Variants in TMPRSS13 observed in about 807,000 individuals in gnomAD.
TMPRSS13 encodes the protein transmembrane protease serine 13.
Under a neutral mutation model 68.4 loss-of-function variants are expected in TMPRSS13, and 50 were observed. That is an observed-to-expected ratio of 0.73 (90% CI 0.58 to 0.93). The LOEUF is 0.93. TMPRSS13 is among the 40% of genes least tolerant of loss of function. The pLI is 0.00. For missense variants in TMPRSS13, 615 were observed against 729.2 expected (o/e 0.84, Z 1.80); for synonymous variants, 267 against 285.8 (o/e 0.93, Z 0.66).
chr11:117,905,160 G>C (rs576870040), intron 10 of TMPRSS13, among the ~76,000 whole-genome samples: 1 of 151,838 alleles, frequency 6.6e-6, no homozygotes, highest in East Asian at 1.9e-4. Flanking sequence ...CTCCCAAAGT[G>C]CTGGGACTAC....
In TMPRSS13 at chr11:117,914,371, C is replaced by T. The variant is rs761571227; in HGVS notation, c.679+21G>A. ...CATGCACATGCACACGCACGCGCTCCCCCGCACCCAGCCTCCTTACCGCAG... is the reference window on the plus strand; with the variant it reads ...CATGCACATGCACACGCACGCGCTCTCCCGCACCCAGCCTCCTTACCGCAG... On this transcript the variant is annotated intron_variant, in intron 4 of 12. Transcript: ENST00000524993. The surrounding 1 kb of genome is among the most constrained non-coding windows in gnomAD (Gnocchi z 4.2). 1 of 1,612,634 alleles carries T rather than the reference C, an allele frequency of 6.2e-7. No homozygotes were observed. The highest frequency in any genetic ancestry group is 8.5e-7 in the Non-Finnish European group (1 of 1,179,866).
chr11:117,912,596 C>G (rs2057534994), intron 5 of TMPRSS13, among the ~76,000 whole-genome samples: 1 of 152,216 alleles, frequency 6.6e-6, no homozygotes, highest in Non-Finnish European at 1.5e-5. Flanking sequence ...TGCGTGACGC[C>G]CTGGCATGAC....
intron 6 of TMPRSS13, among the ~76,000 whole-genome samples, chr11:117,911,108 A>T (rs902823858): frequency 6.6e-6 from 1 of 152,184 alleles, no homozygotes; most frequent in Non-Finnish European, 1.5e-5. Context: ...ACAGTTCCTC[A>T]ACGCAGATGC....
chr11:117,904,844 A>G (rs1157183620), intron 10 of TMPRSS13, among the ~76,000 whole-genome samples: 1 of 135,930 alleles, frequency 7.4e-6, no homozygotes, highest in Non-Finnish European at 1.6e-5. Flanking sequence ...CTTACCACTT[A>G]GAGCTCCTAG....
intron 1 of TMPRSS13, among the ~76,000 whole-genome samples, chr11:117,927,579 G>A (rs914761195): frequency 6.6e-6 from 1 of 152,116 alleles, no homozygotes. Context: ...TCTTCCTCAC[G>A]ACATTTTGGA....
At chr11:117,907,215 C>T (rs2134880502) in intron 9 of TMPRSS13, among the ~76,000 whole-genome samples, 1 of 152,272 alleles carries the variant, frequency 6.6e-6, no homozygotes, top group East Asian at 1.9e-4. Flanking sequence ...AGTCTGTGCC[C>T]TTCTTGTGTG....
chr11:117,908,322 A>G, intron 9 of TMPRSS13: 1 of 587,674 alleles, frequency 1.7e-6, no homozygotes, highest in Non-Finnish European at 3.0e-6. Context: ...AGTTAATACC[A>G]GTGAAAGAAT....
intron 1 of TMPRSS13, 94 bp from the exon 2 acceptor site, chr11:117,918,932 G>GC: frequency 6.5e-7 from 1 of 1,534,136 alleles, no homozygotes; most frequent in Admixed American, 1.8e-5. Context: ...ATGCTCTGGG[G>GC]CAGCAGCTAG....
At chr11:117,927,774 G>A (rs975527751) in intron 1 of TMPRSS13, among the ~76,000 whole-genome samples, 2 of 152,216 alleles carry the variant, frequency 1.3e-5, no homozygotes, top group Non-Finnish European at 2.9e-5. Context: ...AAATAGGGGA[G>A]TGAAGTTAAG....
At chr11:117,920,645 C>T (rs889030523) in intron 1 of TMPRSS13, among the ~76,000 whole-genome samples, 3 of 152,086 alleles carry the variant, frequency 2.0e-5, no homozygotes, top group African/African-American at 7.2e-5. Flanking sequence ...CCCGCCACCA[C>T]ACCCGGTTAA....
At chr11:117,903,509 G>T (rs2057429571) in intron 12 of TMPRSS13, 146 bp downstream of exon 12, 10 of 1,548,124 alleles carry the variant, frequency 6.5e-6, no homozygotes, top group East Asian at 2.4e-5. Context: ...TTGACCCCAG[G>T]CATCACATTT....
rs1565343363 is a variant in TMPRSS13 at position 117,902,078 on chromosome 11, A to G, written c.*161T>C. ...AGTGGCAATGCACACATATGCACACACACACACACACACACACACACACAC... is the reference window on the plus strand; with the variant it reads ...AGTGGCAATGCACACATATGCACACGCACACACACACACACACACACACAC... On this transcript the variant is annotated 3_prime_UTR_variant, in exon 13 of 13. Transcript: ENST00000524993. The G allele has an allele frequency of 1.7e-5, 9 of 526,868 alleles. No homozygotes were observed. Among genetic ancestry groups the G allele is most frequent in the South Asian group, 8.9e-5 (4 of 45,018 alleles). The allele number at this position is 526,868 out of a possible 1,614,324, so 32.6% of individuals were successfully genotyped here. A position where few individuals can be genotyped will look rare whatever the true frequency, so the allele number is the denominator to read the frequency against.
chr11:117,906,646 C>A (rs928804131), intron 9 of TMPRSS13, among the ~76,000 whole-genome samples: 1 of 152,160 alleles, frequency 6.6e-6, no homozygotes, highest in African/African-American at 2.4e-5. Flanking sequence ...GTCTACCTCA[C>A]TTTTGTCTGC....
chr11:117,923,838 T>TTAA lies in TMPRSS13; in HGVS notation c.22-5001_22-5000insTTA, dbSNP rs56359328. Among the ~76,000 whole-genome samples, 269 of 128,134 alleles carry TTAA rather than the reference T, an allele frequency of 2.1e-3. 21 individuals are homozygous for TTAA. Among genetic ancestry groups the TTAA allele is most frequent in the African/African-American group, 3.8e-3 (135 of 35,150 alleles). 84.1% of individuals were successfully genotyped at this position (128,134 alleles called of 152,430 possible). On this transcript the variant is annotated intron_variant, in intron 1 of 12. Transcript: ENST00000524993. Reference sequence around the variant, plus strand: ...ACCCTAGAACTTAAAGTATAATAATTAAAAAAAAAAAAAAAAAAGCTCTCC... The same window carrying TTAA: ...ACCCTAGAACTTAAAGTATAATAATTTAAAAAAAAAAAAAAAAAAAAGCTCTCC...
rs2057412636 is a variant in TMPRSS13, at chr11:117,901,838, G to A, written c.*401C>T. 9.5e-6 allele frequency: 2 copies of A among 210,910 alleles called. No homozygotes were observed. Among genetic ancestry groups the A allele is most frequent in the South Asian group, 9.7e-5 (1 of 10,342 alleles). The allele number at this position is 210,910 out of a possible 1,614,324, so 13.1% of individuals were successfully genotyped here. ...GGACAGCAATGGCGCCACCTGGGCC[G>A]CTGGCATCTGCCCACACTGGGCTAG... On this transcript the variant is annotated 3_prime_UTR_variant, in exon 13 of 13. Transcript: ENST00000524993.
rs1161216334 is a variant in TMPRSS13, at chr11:117,914,032, A to G, written c.680-126T>C. On this transcript the variant is annotated intron_variant, in intron 4 of 12. Transcript: ENST00000524993. The surrounding 1 kb of genome is among the most constrained non-coding windows in gnomAD (Gnocchi z 4.2). The stretch of plus-strand genomic sequence containing the variant: ...ACAGCACTCCTTGCTGAGGCCTGGG[A>G]AAAGTCCAGGAACATGGCCTGGGTC... 1 of 1,180,956 alleles carries G rather than the reference A, an allele frequency of 8.5e-7. No individual in the cohort carries two copies. Among genetic ancestry groups the G allele is most frequent in the Admixed American group, 2.5e-5 (1 of 40,462 alleles). 73.2% of individuals were successfully genotyped at this position (1,180,956 alleles called of 1,614,324 possible).
Position 117,915,379 on chromosome 11 carries a change from T to C in TMPRSS13, c.557-865A>G, listed in dbSNP as rs1461721507. 6.6e-6 allele frequency among the ~76,000 whole-genome samples: 1 copy of C among 152,202 alleles called. No individual in the cohort carries two copies. The highest frequency in any genetic ancestry group is 2.4e-5 in the African/African-American group (1 of 41,450). ...CCCTTGCTTCTCCTCCGGGGCCCAC[T>C]GTGCTCTCCATCACCCAGGGTAAAG... is the stretch of plus-strand genomic sequence containing the variant. On this transcript the variant is annotated intron_variant, in intron 3 of 12. Transcript: ENST00000524993. The surrounding 1 kb of genome is among the most constrained non-coding windows in gnomAD (Gnocchi z 4.9).
intron 1 of TMPRSS13, among the ~76,000 whole-genome samples, chr11:117,928,190 C>T (rs970077910): frequency 1.3e-5 from 2 of 152,228 alleles, no homozygotes; most frequent in African/African-American, 4.8e-5. Flanking sequence ...TTGTGTACCC[C>T]CCTTACTGCT....
intron 3 of TMPRSS13, among the ~76,000 whole-genome samples, chr11:117,916,540 T>C (rs1229520553): frequency 6.6e-6 from 1 of 152,270 alleles, no homozygotes; most frequent in Non-Finnish European, 1.5e-5. Context: ...ATAATGTACA[T>C]GCACATTTGC....
Sources: allele counts gnomAD v4.1 joint callset (sites outside exome capture counted in the v4.1 genomes callset), GRCh38; gene constraint gnomAD v4.1.1; non-coding constraint Gnocchi (gnomAD v3.1); transcripts MANE v1.5; gene names NCBI Gene and HGNC (gene_info 2026-07-23, HGNC 2026-07-21).